COL4A1: variants seen among roughly 807,000 people sequenced by gnomAD.
COL4A1 encodes the protein collagen type IV alpha 1 chain.
Under a neutral mutation model 216.6 loss-of-function variants are expected in COL4A1, and 40 were observed. The observed-to-expected ratio is 0.18, with a 90% CI of 0.14 to 0.24. The LOEUF (loss-of-function observed/expected upper bound fraction) is 0.24, where lower values mean the gene tolerates loss of function less well. COL4A1 is among the 10% of genes least tolerant of loss of function. The probability of loss-of-function intolerance (pLI) is 1.00; values close to 1 mark genes in which losing one functional copy is unlikely to be tolerated. For synonymous variants in COL4A1, 839 were observed against 810.7 expected, an observed-to-expected ratio of 1.03 and a Z score of -0.59; for missense variants, 1,628 against 2,196.8, an observed-to-expected ratio of 0.74 and a Z score of 5.18.
chr13:110,151,109 T>C (rs1876479278), intron 51 of COL4A1, among the ~76,000 whole-genome samples: 1 of 152,148 alleles, frequency 6.6e-6, no homozygotes, highest in Non-Finnish European at 1.5e-5. Flanking sequence ...CTGAGAAAAT[T>C]CTATTAAAAT....
chr13:110,255,034 A>G (rs1195311204), intron 1 of COL4A1, among the ~76,000 whole-genome samples: 2 of 152,192 alleles, frequency 1.3e-5, no homozygotes, highest in East Asian at 3.9e-4. Flanking sequence ...CGCTAAGCCC[A>G]TTACAAGGAA....
chr13:110,279,772 A>G (rs1883557523), intron 1 of COL4A1, among the ~76,000 whole-genome samples: 1 of 152,190 alleles, frequency 6.6e-6, no homozygotes, highest in African/African-American at 2.4e-5. Context: ...CCCATTTCAC[A>G]GTATTTTCTT....
At chr13:110,250,029 G>A (rs1436501754) in intron 1 of COL4A1, among the ~76,000 whole-genome samples, 2 of 152,000 alleles carry the variant, frequency 1.3e-5, no homozygotes, top group African/African-American at 4.8e-5. Context: ...CCAAAGATGT[G>A]AAAATAATTA....
chr13:110,149,561 C>T lies in COL4A1; in HGVS notation c.*802G>A, dbSNP rs146744560. The T allele has an allele frequency of 2.0e-5, 3 of 152,686 alleles. No individual in the cohort carries two copies. The highest frequency in any genetic ancestry group is 1.9e-4 in the East Asian group (1 of 5,190). 9.5% of individuals were successfully genotyped at this position (152,686 alleles called of 1,614,324 possible). On this transcript the variant is annotated 3_prime_UTR_variant, in exon 52 of 52. Transcript: ENST00000375820. Reference sequence around the variant, plus strand: ...TTGGTTTAGAAGTGAACAATGAAAACGGATGTTTCACATTCAATATCCTAG... The same window carrying T: ...TTGGTTTAGAAGTGAACAATGAAAATGGATGTTTCACATTCAATATCCTAG...
intron 2 of COL4A1, among the ~76,000 whole-genome samples, chr13:110,232,880 T>G (rs555562599): frequency 2.3e-4 from 35 of 152,210 alleles, no homozygotes; most frequent in Non-Finnish European, 4.9e-4. Context: ...TGTATGATGG[T>G]CTCTCCTGAG....
At chr13:110,294,466 T>C (rs757823653) in intron 1 of COL4A1, among the ~76,000 whole-genome samples, 7 of 152,242 alleles carry the variant, frequency 4.6e-5, no homozygotes, top group Non-Finnish European at 8.8e-5. Flanking sequence ...GATGGTTTCA[T>C]CCACTCTAAA....
intron 1 of COL4A1, among the ~76,000 whole-genome samples, chr13:110,261,752 C>T (rs1425197381): frequency 6.6e-6 from 1 of 152,208 alleles, no homozygotes; most frequent in Admixed American, 6.5e-5. Context: ...CGCGCAGGGG[C>T]AGGGGCTCTG....
chr13:110,191,755 T>C lies in COL4A1; in HGVS notation c.1536+459A>G, dbSNP rs1309858862. ...AGATCTGCTTTCCTTGATCTTTTCATAGAAACTATTGATGCTGAACCTACT... is the reference window on the plus strand; with the variant it reads ...AGATCTGCTTTCCTTGATCTTTTCACAGAAACTATTGATGCTGAACCTACT... On this transcript the variant is annotated intron_variant, in intron 24 of 51. Coordinates refer to ENST00000375820, the MANE Select transcript of COL4A1 (RefSeq NM_001845.6). 7 of 617,898 alleles carry C rather than the reference T, an allele frequency of 1.1e-5. No individual in the cohort carries two copies. The East Asian group carries it at 1.4e-4, about 12-fold the overall frequency. 38.3% of individuals were successfully genotyped at this position (617,898 alleles called of 1,614,324 possible). A position where few individuals can be genotyped will look rare whatever the true frequency, so the allele number is the denominator to read the frequency against.
chr13:110,183,344 C>A (rs771187401), intron 26 of COL4A1, 68 bp from the exon 27 acceptor site: 5 of 1,473,034 alleles, frequency 3.4e-6, no homozygotes, highest in African/African-American at 2.8e-5. Flanking sequence ...AGGGAGGACA[C>A]GCAGTGGGTG....
chr13:110,175,151 G>A, intron 37 of COL4A1, 67 bp downstream of exon 37: 1 of 1,586,826 alleles, frequency 6.3e-7, no homozygotes, highest in Non-Finnish European at 8.6e-7. Flanking sequence ...TATTTGCTGA[G>A]CATTTCTCAG....
chr13:110,207,434 T>C lies in COL4A1; in HGVS notation c.749A>G (p.Glu250Gly). 6.2e-7 allele frequency: 1 copy of C among 1,614,152 alleles called. No individual in the cohort carries two copies. The highest frequency in any genetic ancestry group is 1.3e-5 in the African/African-American group (1 of 75,018). The change falls in exon 13 of 52, where the codon GAA becomes GGA. Residue 250 changes from glutamate (E) to glycine (G), a missense_variant. Physicochemically the swap from Glu to Gly is moderately conservative, Grantham distance 98. Coordinates refer to ENST00000375820, the MANE Select transcript of COL4A1 (RefSeq NM_001845.6). This position sits in a 1 kb window ranked among gnomAD's most constrained non-coding sequence, Gnocchi z 4.4. ...TCCCTTGGTGGCGAAGTCTCCTTTTTCTTGAACTTGAGCTTGTCCTGGTAC... is the reference window on the plus strand; with the variant it reads ...TCCCTTGGTGGCGAAGTCTCCTTTTCCTTGAACTTGAGCTTGTCCTGGTAC... ...PGVPGQAQVQ[E>G]KGDFATKGEK...
intron 23 of COL4A1, among the ~76,000 whole-genome samples, 196 bp downstream of exon 23, chr13:110,192,634 A>G (rs1477119301): frequency 3.3e-5 from 5 of 152,150 alleles, no homozygotes; most frequent in African/African-American, 7.2e-5. Flanking sequence ...TTTATTAGGA[A>G]ATCTTTATGA....
At position 110,162,357 on chromosome 13, in the gene COL4A1, G is replaced by T. The variant is rs1390201254; in HGVS notation, c.4335C>A (p.Gly1445=). Residue 1445 remains glycine (G), a synonymous_variant, in exon 48 of 52, where the codon GGC becomes GGA. Transcript: ENST00000375820. ...GPPGTPSVDH[G]FLVTRHSQTI... ...TTTGACTATGCCTGGTCACAAGGAA[G>T]CCGTGATCAACAGATGGGGTGCCTG... 6.2e-7 allele frequency: 1 copy of T among 1,614,246 alleles called. No individual in the cohort carries two copies. Among genetic ancestry groups the T allele is most frequent in the African/African-American group, 1.3e-5 (1 of 75,076 alleles).
At chr13:110,251,569 C>T (rs1180468383) in intron 1 of COL4A1, among the ~76,000 whole-genome samples, 2 of 152,202 alleles carry the variant, frequency 1.3e-5, no homozygotes. Context: ...TACAATAAAA[C>T]GTGGGCTGCA....
At chr13:110,169,584 G>A (rs563254339) in intron 43 of COL4A1, 45 bp downstream of exon 43, 1 of 1,611,500 alleles carries the variant, frequency 6.2e-7, no homozygotes, top group Admixed American at 1.7e-5. Context: ...CTTCTGGCCA[G>A]AAAAGACTCC....
intron 18 of COL4A1, among the ~76,000 whole-genome samples, chr13:110,202,524 G>C (rs1879296500): frequency 6.6e-6 from 1 of 152,182 alleles, no homozygotes; most frequent in Non-Finnish European, 1.5e-5. Flanking sequence ...TACAATTTTT[G>C]TCAGTTAAAA....
Position 110,152,502 on chromosome 13 carries a change from G to A in COL4A1, c.4760C>T (p.Thr1587Ile), listed in dbSNP as rs1252299156. The A allele has an allele frequency of 1.9e-6, 3 of 1,611,238 alleles. No homozygotes were observed. The highest frequency in any genetic ancestry group is 1.7e-5 in the Admixed American group (1 of 59,904). Residue 1587 changes from threonine to isoleucine, a missense_variant, in exon 51 of 52, where the codon ACC becomes ATC. By Grantham distance (89) the Thr-to-Ile change is moderately conservative (BLOSUM62 -1). Around this residue, in one of 8 missense-constraint regions of COL4A1, gnomAD observed 254 missense variants for 300.1 expected, o/e 0.85. Coordinates refer to ENST00000375820, the MANE Select transcript of COL4A1 (RefSeq NM_001845.6). Reference protein sequence around the residue: ...LWIGYSFVMHTSAGAEGSGQA... With the variant: ...LWIGYSFVMHISAGAEGSGQA... Reference sequence around the variant, plus strand: ...GCCAGAGCCTTCTGCACCAGCGCTGGTGTGCTGCAGAACAGATGCGAGCCG... The same window carrying A: ...GCCAGAGCCTTCTGCACCAGCGCTGATGTGCTGCAGAACAGATGCGAGCCG...
intron 1 of COL4A1, among the ~76,000 whole-genome samples, chr13:110,256,708 A>AC (rs1882587422): frequency 6.6e-6 from 1 of 151,850 alleles, no homozygotes; most frequent in South Asian, 2.1e-4. Flanking sequence ...ATCCACTTTA[A>AC]CCCAGCTACA....
In COL4A1 at chr13:110,169,388, C is replaced by A. The variant is rs569862268; in HGVS notation, c.3876+241G>T. Among the ~76,000 whole-genome samples, 15 of 152,030 alleles carry A rather than the reference C, an allele frequency of 9.9e-5. No homozygotes were observed. In the South Asian group the frequency reaches 2.5e-3, roughly 25 times the overall value. ...TTTCCCTTTTATGGTTCTTGGAAAA[C>A]TGGATTGTAAAAAAATGTTACAATA... On this transcript the variant is annotated intron_variant, in intron 43 of 51. Coordinates refer to ENST00000375820, the MANE Select transcript of COL4A1 (RefSeq NM_001845.6).
Sources: gnomAD v4.1 joint callset for allele counts (sites outside exome capture counted in the v4.1 genomes callset) on GRCh38, gnomAD v4.1.1 for gene constraint, gnomAD v4.1.1 regional missense constraint, Gnocchi (gnomAD v3.1) non-coding constraint, MANE v1.5 for transcripts, NCBI Gene and HGNC (gene_info 2026-07-23, HGNC 2026-07-21) for gene names.